Variants in USH2A observed in about 807,000 individuals in gnomAD.
The protein encoded by USH2A is Usher syndrome 2A (autosomal recessive, mild).
USH2A carries 443 observed loss-of-function variants against 538.9 expected under a neutral mutation model. The ratio of observed to expected loss-of-function variants is 0.82; its 90% CI spans 0.76 to 0.89. USH2A has a LOEUF of 0.89. Ranked by LOEUF, USH2A falls within the 40% of genes least tolerant of loss-of-function variation. The pLI, the probability that USH2A is intolerant of heterozygous loss-of-function variation, is 0.00. For synonymous variants in USH2A, 2,413 were observed against 2,273.5 expected, an observed-to-expected ratio of 1.06 and a Z score of -1.75; for missense variants, 6,633 against 6,324.8, an observed-to-expected ratio of 1.05 and a Z score of -1.65.
At chr1:215,987,719 A>G (rs1047699462) in intron 35 of USH2A, among the ~76,000 whole-genome samples, 1 of 152,196 alleles carries the variant, frequency 6.6e-6, no homozygotes, top group Non-Finnish European at 1.5e-5. Context: ...ATGTCCATCA[A>G]TAAAAAGATG....
chr1:216,396,465 C>A (rs182099878), intron 3 of USH2A, among the ~76,000 whole-genome samples: 1 of 151,934 alleles, frequency 6.6e-6, no homozygotes, highest in Non-Finnish European at 1.5e-5. Flanking sequence ...TAATAGGTTG[C>A]GACAAAAATT....
chr1:216,235,435 C>T lies in USH2A; in HGVS notation c.2810-3299G>A, dbSNP rs76936830. The stretch of plus-strand genomic sequence containing the variant: ...CACATATACATGGTCCAAATCAGCT[C>T]GCTAGTTTATTATTTTCCCATATTA... On this transcript the variant is annotated intron_variant, in intron 13 of 71. Coordinates refer to ENST00000307340, the MANE Select transcript of USH2A (RefSeq NM_206933.4). 8.6e-3 allele frequency among the ~76,000 whole-genome samples: 1,316 copies of T among 152,186 alleles called. 24 individuals carry two copies. Among genetic ancestry groups the T allele is most frequent in the African/African-American group, 0.031 (1,270 of 41,536 alleles).
chr1:215,758,773 GA>G, intron 57 of USH2A, 21 bp from the exon 58 acceptor site: 1 of 1,612,176 alleles, frequency 6.2e-7, no homozygotes. Flanking sequence ...AAAGAAAGAA[GA>G]ATTGTGGTAA....
intron 38 of USH2A, among the ~76,000 whole-genome samples, chr1:215,913,388 G>A (rs1665864001): frequency 1.3e-5 from 2 of 152,184 alleles, no homozygotes; most frequent in African/African-American, 4.8e-5. Flanking sequence ...AAGAAGAAAG[G>A]CTTTCTAAGG....
chr1:216,173,216 T>G (rs571083358), intron 21 of USH2A, among the ~76,000 whole-genome samples: 7 of 152,298 alleles, frequency 4.6e-5, no homozygotes, highest in African/African-American at 1.7e-4. Context: ...ATTGGGTACA[T>G]TTAGTTAGGC....
At chr1:216,178,055 G>A (rs2034424975) in intron 20 of USH2A, among the ~76,000 whole-genome samples, 1 of 152,088 alleles carries the variant, frequency 6.6e-6, no homozygotes, top group South Asian at 2.1e-4. Flanking sequence ...AACCATGAAA[G>A]GAAATTCACC....
intron 36 of USH2A, among the ~76,000 whole-genome samples, chr1:215,969,283 A>G (rs577757939): frequency 6.6e-6 from 1 of 152,322 alleles, no homozygotes; most frequent in South Asian, 2.1e-4. Context: ...TCTGGAATGA[A>G]TGAAGCCATG....
At position 216,357,136 on chromosome 1, in the gene USH2A, TTTAA is replaced by T. The variant is rs536088706; in HGVS notation, c.784+7813_784+7816del. Among the ~76,000 whole-genome samples the T allele has an allele frequency of 1.4e-3, 212 of 152,260 alleles. 1 individual carries two copies. Among genetic ancestry groups the T allele is most frequent in the African/African-American group, 4.9e-3 (203 of 41,578 alleles). ...ATGATTGCATATTTTGCATTCAAAT[TTTAA>T]TTAATCAGCAGTTTTTACTTAGTAT... On this transcript the variant is annotated intron_variant, in intron 4 of 71. Transcript: ENST00000307340.
chr1:216,064,624 A>G (rs963303980), intron 30 of USH2A, among the ~76,000 whole-genome samples: 1 of 152,184 alleles, frequency 6.6e-6, no homozygotes, highest in Non-Finnish European at 1.5e-5. Flanking sequence ...CAGACAACAT[A>G]TAGGATGGTG....
At chr1:216,417,358 C>T (rs1318924332) in intron 3 of USH2A, among the ~76,000 whole-genome samples, 1 of 151,872 alleles carries the variant, frequency 6.6e-6, no homozygotes, top group Non-Finnish European at 1.5e-5. Flanking sequence ...TTCACATGAG[C>T]CACTGGATGG....
chr1:216,232,602 CT>C (rs2035722662), intron 13 of USH2A, among the ~76,000 whole-genome samples: 1 of 152,186 alleles, frequency 6.6e-6, no homozygotes, highest in Non-Finnish European at 1.5e-5. Flanking sequence ...AAAAAGTTAT[CT>C]GAAATTCAAA....
intron 11 of USH2A, among the ~76,000 whole-genome samples, chr1:216,282,796 T>A (rs192639661): frequency 6.6e-6 from 1 of 152,300 alleles, no homozygotes; most frequent in Admixed American, 6.5e-5. Flanking sequence ...AATCTGTAGA[T>A]CAATTGGAGA....
At chr1:215,889,145 G>A in intron 40 of USH2A, 91 bp from the exon 41 acceptor site, 1 of 1,485,512 alleles carries the variant, frequency 6.7e-7, no homozygotes, top group East Asian at 2.4e-5. Flanking sequence ...CTGCTACAAG[G>A]ATATGAAAAT....
At chr1:216,112,131 C>T (rs557304842) in intron 21 of USH2A, among the ~76,000 whole-genome samples, 1 of 152,108 alleles carries the variant, frequency 6.6e-6, no homozygotes, top group African/African-American at 2.4e-5. Context: ...TGATTATACT[C>T]GACAAAATAA....
chr1:216,124,655 C>G (rs2033212569), intron 21 of USH2A, among the ~76,000 whole-genome samples: 1 of 152,124 alleles, frequency 6.6e-6, no homozygotes, highest in Non-Finnish European at 1.5e-5. Context: ...TAAATCAGAA[C>G]AACAAATTCA....
At chr1:216,254,792 C>A (rs1301304771) in intron 11 of USH2A, among the ~76,000 whole-genome samples, 2 of 152,074 alleles carry the variant, frequency 1.3e-5, no homozygotes, top group African/African-American at 4.8e-5. Context: ...ATGAGAGAGC[C>A]CAGAAGAGGT....
Position 216,046,688 on chromosome 1 carries a change from A to G in USH2A, c.6164-96T>C, listed in dbSNP as rs577583770. The G allele has an allele frequency of 9.1e-6, 13 of 1,422,274 alleles. No individual in the cohort carries two copies. In the South Asian group the frequency reaches 1.3e-4, roughly 14 times the overall value. 88.1% of individuals were successfully genotyped at this position (1,422,274 alleles called of 1,614,324 possible). A position where few individuals can be genotyped will look rare whatever the true frequency, so the allele number is the denominator to read the frequency against. ...CAATAAATCATGGAATAAACCTGAAATCCCATGCATGGAAATATTCCCGAT... is the reference window on the plus strand; with the variant it reads ...CAATAAATCATGGAATAAACCTGAAGTCCCATGCATGGAAATATTCCCGAT... On this transcript the variant is annotated intron_variant, in intron 31 of 71. Coordinates refer to ENST00000307340, the MANE Select transcript of USH2A (RefSeq NM_206933.4).
At position 215,888,829 on chromosome 1, in the gene USH2A, C is replaced by G. The variant is rs962770197; in HGVS notation, c.7820G>C (p.Gly2607Ala). ...CTGGGACTCTGGTGAAAGGGAACAT[C>G]CTTTTGAAGTGCAGGCTTCTACCTG... is the stretch of plus-strand genomic sequence containing the variant. Reference protein sequence around the residue: ...KFQVEACTSKGCSLSPESQTV... With the variant: ...KFQVEACTSKACSLSPESQTV... Residue 2607 changes from glycine (G) to alanine (A), a missense_variant, in exon 41 of 72, where the codon GGA becomes GCA. Coordinates refer to ENST00000307340, the MANE Select transcript of USH2A (RefSeq NM_206933.4). 6.2e-7 allele frequency: 1 copy of G among 1,613,962 alleles called. No individual in the cohort carries two copies. The highest frequency in any genetic ancestry group is 1.3e-5 in the African/African-American group (1 of 74,876).
At chr1:215,627,303 G>A (rs1240145588) in intron 71 of USH2A, among the ~76,000 whole-genome samples, 1 of 152,048 alleles carries the variant, frequency 6.6e-6, no homozygotes, top group Non-Finnish European at 1.5e-5. Context: ...TTTTACCCCA[G>A]AGGAGTAAAC....
Sources: gnomAD v4.1 joint callset for allele counts (sites outside exome capture counted in the v4.1 genomes callset) on GRCh38, gnomAD v4.1.1 for gene constraint, MANE v1.5 for transcripts, NCBI Gene and HGNC (gene_info 2026-07-23, HGNC 2026-07-21) for gene names.